Variants in PCDH9 observed in about 807,000 individuals in gnomAD.
PCDH9 encodes the protein protocadherin-9.
A neutral mutation model predicts 70.6 loss-of-function variants in PCDH9; 24 were observed. The observed-to-expected ratio is 0.34, with a 90% CI of 0.25 to 0.48. The LOEUF is 0.48. Ranked by LOEUF, PCDH9 falls within the 20% of genes least tolerant of loss-of-function variation. PCDH9 has a pLI of 0.99. For missense variants in PCDH9, 1,281 were observed against 1,503.6 expected (o/e 0.85, Z 2.45); for synonymous variants, 562 against 558.5 (o/e 1.01, Z -0.09).
At chr13:66,326,675 C>G (rs935481180) in intron 4 of PCDH9, among the ~76,000 whole-genome samples, 2 of 152,096 alleles carry the variant, frequency 1.3e-5, no homozygotes, top group Non-Finnish European at 2.9e-5. Context: ...TGCCTCAGCC[C>G]TCACACCTGG....
At chr13:67,143,343 A>G (rs997892221) in intron 2 of PCDH9, among the ~76,000 whole-genome samples, 1 of 152,098 alleles carries the variant, frequency 6.6e-6, no homozygotes, top group Non-Finnish European at 1.5e-5. Flanking sequence ...TAATTCATAA[A>G]CCTTGTAGTT....
intron 4 of PCDH9, among the ~76,000 whole-genome samples, chr13:66,574,760 A>G (rs568467326): frequency 8.5e-5 from 13 of 152,316 alleles, no homozygotes; most frequent in South Asian, 6.2e-4. Flanking sequence ...TCGCCCTTCA[A>G]CAAACTGGAA....
At chr13:66,950,089 T>G (rs1180922746) in intron 2 of PCDH9, among the ~76,000 whole-genome samples, 1 of 152,090 alleles carries the variant, frequency 6.6e-6, no homozygotes, top group Non-Finnish European at 1.5e-5. Context: ...GCTTATCAAA[T>G]GATTTATATA....
At chr13:66,389,551 T>C (rs1039919216) in intron 4 of PCDH9, among the ~76,000 whole-genome samples, 7 of 152,304 alleles carry the variant, frequency 4.6e-5, no homozygotes, top group Admixed American at 2.0e-4. Flanking sequence ...ATAAATAAAC[T>C]TTAATGGTAT....
intron 4 of PCDH9, among the ~76,000 whole-genome samples, chr13:66,338,359 G>A (rs1956071173): frequency 6.6e-6 from 1 of 151,938 alleles, no homozygotes; most frequent in African/African-American, 2.4e-5. Context: ...TATCCCTAGT[G>A]AGTATTAATT....
intron 4 of PCDH9, among the ~76,000 whole-genome samples, chr13:66,338,228 T>C (rs1431925504): frequency 6.6e-6 from 1 of 152,028 alleles, no homozygotes; most frequent in Non-Finnish European, 1.5e-5. Context: ...CGCTCTTTCT[T>C]TTTCCTCTCT....
At chr13:67,080,608 G>A (rs2085964587) in intron 2 of PCDH9, among the ~76,000 whole-genome samples, 1 of 152,168 alleles carries the variant, frequency 6.6e-6, no homozygotes, top group Non-Finnish European at 1.5e-5. Flanking sequence ...CTGTTTACTG[G>A]TAACTATGAC....
At chr13:66,685,886 T>C (rs2078394334) in intron 3 of PCDH9, among the ~76,000 whole-genome samples, 2 of 152,222 alleles carry the variant, frequency 1.3e-5, no homozygotes, top group South Asian at 4.1e-4. Context: ...GGAAGGGGTA[T>C]ACCAAATGCC....
At chr13:67,191,042 T>C (rs1007243687) in intron 2 of PCDH9, among the ~76,000 whole-genome samples, 3 of 152,088 alleles carry the variant, frequency 2.0e-5, no homozygotes, top group Non-Finnish European at 4.4e-5. Context: ...CTACTAAGAC[T>C]GTAATTCTCA....
intron 2 of PCDH9, among the ~76,000 whole-genome samples, chr13:67,023,529 A>G (rs1421173692): frequency 6.6e-6 from 1 of 152,224 alleles, no homozygotes; most frequent in Non-Finnish European, 1.5e-5. Context: ...TAGCCAAGTC[A>G]AGAATTTGAA....
intron 3 of PCDH9, among the ~76,000 whole-genome samples, chr13:66,710,701 G>C (rs1354166711): frequency 6.6e-6 from 1 of 152,156 alleles, no homozygotes; most frequent in Non-Finnish European, 1.5e-5. Flanking sequence ...CTACTATCCA[G>C]GTGTTATTGA....
intron 3 of PCDH9, among the ~76,000 whole-genome samples, chr13:66,730,565 A>G (rs780040993): frequency 2.0e-5 from 3 of 152,172 alleles, no homozygotes; most frequent in Non-Finnish European, 4.4e-5. Context: ...ATACTATACA[A>G]TCACTAACAT....
chr13:66,692,009 G>A (rs2078494447), intron 3 of PCDH9, among the ~76,000 whole-genome samples: 1 of 152,126 alleles, frequency 6.6e-6, no homozygotes, highest in Non-Finnish European at 1.5e-5. Context: ...GTCATTTTGA[G>A]CTATGAGGCA....
chr13:66,377,699 G>A (rs1366030929), intron 4 of PCDH9, among the ~76,000 whole-genome samples: 1 of 152,112 alleles, frequency 6.6e-6, no homozygotes, highest in Non-Finnish European at 1.5e-5. Context: ...GCACTTGCGG[G>A]AACAAACAAA....
intron 3 of PCDH9, among the ~76,000 whole-genome samples, chr13:66,783,043 G>C (rs1043783978): frequency 6.6e-6 from 1 of 152,032 alleles, no homozygotes; most frequent in Non-Finnish European, 1.5e-5. Context: ...AGCTCCATAG[G>C]CCGTTTAGCT....
chr13:66,469,865 A>G (rs2781774), intron 4 of PCDH9, among the ~76,000 whole-genome samples: 150,016 of 152,236 alleles, frequency 0.99, 73,959 homozygotes, highest in Middle Eastern at 1. Context: ...TTTATCTGCT[A>G]TGTCTGTAAC....
chr13:66,874,779 T>C (rs545068107), intron 3 of PCDH9, among the ~76,000 whole-genome samples: 13 of 152,260 alleles, frequency 8.5e-5, no homozygotes, highest in South Asian at 4.1e-4. Flanking sequence ...TCTGAAGGCT[T>C]GAAGGCTTCT....
chr13:66,414,223 T>A (rs1049206045), intron 4 of PCDH9, among the ~76,000 whole-genome samples: 37 of 152,344 alleles, frequency 2.4e-4, no homozygotes, highest in Middle Eastern at 3.4e-3. Flanking sequence ...CATGTGTCAG[T>A]GTTTTTCAAC....
chr13:66,539,329 C>T (rs1350528340), intron 4 of PCDH9, among the ~76,000 whole-genome samples: 2 of 151,990 alleles, frequency 1.3e-5, no homozygotes, highest in Non-Finnish European at 2.9e-5. Flanking sequence ...AATTGTATTT[C>T]CCATAATCCT....
Sources: allele counts gnomAD v4.1 joint callset (sites outside exome capture counted in the v4.1 genomes callset), GRCh38; gene constraint gnomAD v4.1.1; transcripts MANE v1.5; gene names NCBI Gene and HGNC (gene_info 2026-07-23, HGNC 2026-07-21).